The following TCF3 variants were observed in gnomAD, a reference collection of about 807,000 sequenced individuals.
TCF3 encodes transcription factor 3, also known as transcription factor E2-alpha.
TCF3 carries 54 observed loss-of-function variants against 72.3 expected under a neutral mutation model. The ratio of observed to expected loss-of-function variants is 0.75; its 90% confidence interval spans 0.60 to 0.94. TCF3 has a LOEUF of 0.94. Among genes scored for constraint, TCF3 ranks in the 40% least tolerant of loss-of-function variants. TCF3 has a pLI of 0.00. For synonymous variants in TCF3, 525 were observed against 412.6 expected (o/e 1.27, Z -3.30); for missense variants, 1,078 against 934.4 (o/e 1.15, Z -2.00).
At chr19:1,651,519 T>TG (rs1054647788) in intron 1 of TCF3, among the ~76,000 whole-genome samples, 7 of 152,186 alleles carry the variant, frequency 4.6e-5, no homozygotes, top group South Asian at 4.1e-4. Context: ...CAGACTTAGT[T>TG]GGGGGGGTGG....
At chr19:1,648,366 G>A (rs980176055) in intron 2 of TCF3, among the ~76,000 whole-genome samples, 14 of 152,194 alleles carry the variant, frequency 9.2e-5, no homozygotes, top group African/African-American at 2.2e-4. Context: ...GGGGACGCCC[G>A]GAGAGGACGG....
chr19:1,630,193 C>G (rs532083809), intron 5 of TCF3, among the ~76,000 whole-genome samples: 5 of 152,240 alleles, frequency 3.3e-5, no homozygotes, highest in African/African-American at 1.2e-4. Flanking sequence ...GAGGAAGAGG[C>G]TGGGAGGAAG....
At chr19:1,651,808 C>T (rs1443935145) in intron 1 of TCF3, among the ~76,000 whole-genome samples, 1 of 151,398 alleles carries the variant, frequency 6.6e-6, no homozygotes, top group Non-Finnish European at 1.5e-5. Flanking sequence ...CGCCCCCCCC[C>T]GGCCCGCCCG....
At chr19:1,649,509 A>G (rs1417094479) in intron 2 of TCF3, among the ~76,000 whole-genome samples, 1 of 152,180 alleles carries the variant, frequency 6.6e-6, no homozygotes, top group Non-Finnish European at 1.5e-5. Context: ...TCCAGGGCTC[A>G]AGTGATTCTC....
chr19:1,630,871 G>A (rs1203829596), intron 5 of TCF3, among the ~76,000 whole-genome samples: 3 of 152,194 alleles, frequency 2.0e-5, no homozygotes, highest in Non-Finnish European at 2.9e-5. Context: ...TCCCGCAGGA[G>A]GCGGAGCATG....
rs372056958 is a variant in TCF3, at chr19:1,615,832, C to T, written c.1451-11G>A. On this transcript the variant is annotated splice_polypyrimidine_tract_variant and intron_variant, in intron 16 of 18. Transcript: ENST00000262965. This position sits in a 1 kb window ranked among gnomAD's most constrained non-coding sequence, Gnocchi z 7.3. ...CTGCTCGCCCTAGCCCTGCAACAGG[C>T]CTAGGGTCAGGGGCCTGCGTCGGCC... The T allele has an allele frequency of 9.7e-5, 150 of 1,539,654 alleles. No homozygotes were observed. The highest frequency in any genetic ancestry group is 6.3e-4 in the Admixed American group (33 of 52,202).
At chr19:1,631,005 G>C (rs548700482) in intron 5 of TCF3, among the ~76,000 whole-genome samples, 3 of 152,232 alleles carry the variant, frequency 2.0e-5, no homozygotes, top group Non-Finnish European at 2.9e-5. Context: ...GCAGACCCCC[G>C]GCCAGGGTGC....
chr19:1,625,206 C>T (rs1411329007), intron 7 of TCF3, among the ~76,000 whole-genome samples: 1 of 152,210 alleles, frequency 6.6e-6, no homozygotes, highest in Non-Finnish European at 1.5e-5. Flanking sequence ...CTCCTGAGCC[C>T]GAGGCTGTGA....
At position 1,632,332 on chromosome 19, in the gene TCF3, C is replaced by T. The variant is rs1741698819; in HGVS notation, c.219G>A (p.Arg73=). Residue 73 remains arginine (R), a splice_region_variant and synonymous_variant, in exon 4 of 19, where the codon CGG becomes CGA. Transcript: ENST00000262965. ...DQSSSSFDPS[R]TFSEGTHFTE... is the part of the protein sequence containing the mutation. ...TCTCAGGCCTCACGGGGACTCCTAC[C>T]CGGCTGGGGTCAAAGGAGGAGCTGC... 1 of 1,583,286 alleles carries T rather than the reference C, an allele frequency of 6.3e-7. No homozygotes were observed. Among genetic ancestry groups the T allele is most frequent in the African/African-American group, 1.3e-5 (1 of 74,450 alleles).
At position 1,611,473 on chromosome 19, in the gene TCF3, G is replaced by C. The variant is rs1361259123; in HGVS notation, c.*234C>G. 2.0e-6 allele frequency: 1 copy of C among 499,384 alleles called. No individual in the cohort carries two copies. Among genetic ancestry groups the C allele is most frequent in the African/African-American group, 2.0e-5 (1 of 50,950 alleles). 30.9% of individuals were successfully genotyped at this position (499,384 alleles called of 1,614,324 possible). ...AGAGTGACACGGTGGCTGAGATTCG[G>C]GGACAGGGGGAGCGAGGCCAGTGAG... On this transcript the variant is annotated 3_prime_UTR_variant, in exon 19 of 19. Coordinates refer to ENST00000262965, the MANE Select transcript of TCF3 (RefSeq NM_003200.5).
At chr19:1,631,103 C>T (rs2063661192) in intron 5 of TCF3, among the ~76,000 whole-genome samples, 1 of 152,192 alleles carries the variant, frequency 6.6e-6, no homozygotes, top group African/African-American at 2.4e-5. Context: ...CCAACCCCCA[C>T]CTGGCATTGG....
chr19:1,624,649 A>C (rs2062661774), intron 7 of TCF3, among the ~76,000 whole-genome samples: 2 of 152,112 alleles, frequency 1.3e-5, no homozygotes, highest in African/African-American at 4.8e-5. Flanking sequence ...TACAGGATAA[A>C]ATCCGTAACC....
At chr19:1,619,901 G>C (rs2061982900) in intron 13 of TCF3, 48 bp from the exon 14 acceptor site, 1 of 1,472,874 alleles carries the variant, frequency 6.8e-7, no homozygotes, top group Non-Finnish European at 9.3e-7. Context: ...CGGGGTGTGA[G>C]CATGGCCTGA....
rs749627513 is a variant in TCF3, at chr19:1,632,162, C to A, written c.220-46G>T. 3.1e-6 allele frequency: 5 copies of A among 1,592,846 alleles called. No individual in the cohort carries two copies. The African/African-American group carries it at 4.0e-5, about 13-fold the overall frequency. On this transcript the variant is annotated intron_variant, in intron 4 of 18. Coordinates refer to ENST00000262965, the MANE Select transcript of TCF3 (RefSeq NM_003200.5). Reference sequence around the variant, plus strand: ...ATGAGAGGTGCTGGGGCTTCACAGGCCCCCCCTCCACCCCGCATTACAGCT... The same window carrying A: ...ATGAGAGGTGCTGGGGCTTCACAGGACCCCCCTCCACCCCGCATTACAGCT...
At chr19:1,642,129 TACAC>T (rs10531649) in intron 3 of TCF3, among the ~76,000 whole-genome samples, 25,161 of 146,766 alleles carry the variant, frequency 0.17, 2,158 homozygotes, top group Middle Eastern at 0.31. Flanking sequence ...TGCACAGAAC[TACAC>T]ACACACACAC....
In TCF3 at chr19:1,625,570, G is replaced by T; in HGVS notation, c.499+6C>A. On this transcript the variant is annotated splice_donor_region_variant and intron_variant, in intron 7 of 18. Transcript: ENST00000262965. ...GCCCCCGATGCCCCGGCCAGACCCC[G>T]CTCACCTAGGCTGCCGTCTGCCGCT... The T allele has an allele frequency of 1.3e-6, 2 of 1,576,796 alleles. No individual in the cohort carries two copies. Among genetic ancestry groups the T allele is most frequent in the Non-Finnish European group, 1.7e-6 (2 of 1,165,246 alleles).
At chr19:1,620,430 G>A (rs887997655) in intron 13 of TCF3, among the ~76,000 whole-genome samples, 16 of 152,176 alleles carry the variant, frequency 1.1e-4, no homozygotes, top group East Asian at 3.9e-4. Context: ...CCGGAGCACC[G>A]CACAGGGTAA....
chr19:1,619,452 A>G lies in TCF3; in HGVS notation c.1190T>C (p.Leu397Pro). The G allele has an allele frequency of 6.4e-7, 1 of 1,558,138 alleles. No homozygotes were observed. Among genetic ancestry groups the G allele is most frequent in the African/African-American group, 1.4e-5 (1 of 71,754 alleles). ...HGLQSKIEDH[L>P]DEAIHVLRSH... ...GCGGAGCACGTGGATGGCCTCGTCC[A>G]GGTGGTCTTCTATCTTACTCTGCTG... is the stretch of plus-strand genomic sequence containing the variant. The change falls in exon 15 of 19, where the codon CTG becomes CCG. Residue 397 changes from leucine (L) to proline (P), a missense_variant. Leu to Pro is a moderately conservative substitution (Grantham distance 98). Transcript: ENST00000262965.
chr19:1,625,698 A>G lies in TCF3; in HGVS notation c.377T>C (p.Leu126Pro), dbSNP rs748571230. 7.9e-6 allele frequency: 12 copies of G among 1,514,110 alleles called. No individual in the cohort carries two copies. The highest frequency in any genetic ancestry group is 9.7e-6 in the Non-Finnish European group (11 of 1,137,056). 93.8% of individuals were successfully genotyped at this position (1,514,110 alleles called of 1,614,324 possible). ...GVGGLTQAGFLSGELALNSPG... is the reference protein window; with the variant it reads ...GVGGLTQAGFPSGELALNSPG... The stretch of plus-strand genomic sequence containing the variant: ...GCTGTTGAGGGCCAGCTCGCCTGAC[A>G]GGAAGCCAGCCTGGTGGGGAGCGGA... The change falls in exon 7 of 19, where the codon CTG becomes CCG. Residue 126 changes from leucine to proline, a missense_variant. Physicochemically the swap from Leu to Pro is moderately conservative, Grantham distance 98 (BLOSUM62 -3). Transcript: ENST00000262965.
Sources: allele counts gnomAD v4.1 joint callset (sites outside exome capture counted in the v4.1 genomes callset), GRCh38; gene constraint gnomAD v4.1.1; non-coding constraint Gnocchi (gnomAD v3.1); transcripts MANE v1.5; gene names NCBI Gene and HGNC (gene_info 2026-07-23, HGNC 2026-07-21).